The following PDE4D variants were observed in gnomAD, a reference collection of about 807,000 sequenced individuals.
The protein encoded by PDE4D is 3',5'-cyclic-AMP phosphodiesterase 4D.
A neutral mutation model predicts 87.4 loss-of-function variants in PDE4D; 24 were observed. The observed-to-expected ratio is 0.27, with a 90% CI of 0.20 to 0.39. The LOEUF (loss-of-function observed/expected upper bound fraction) is 0.39. Among genes scored for constraint, PDE4D ranks in the 10% least tolerant of loss-of-function variants. The probability of loss-of-function intolerance (pLI) is 1.00; values close to 1 mark genes in which losing one functional copy is unlikely to be tolerated. For missense variants in PDE4D, 714 were observed against 1,041.0 expected, an observed-to-expected ratio of 0.69 and a Z score of 4.32; for synonymous variants, 384 against 383.2, an observed-to-expected ratio of 1.00 and a Z score of -0.02.
At chr5:60,463,493 A>G (rs1561284229) in intron 1 of PDE4D, among the ~76,000 whole-genome samples, 1 of 152,192 alleles carries the variant, frequency 6.6e-6, no homozygotes, top group Admixed American at 6.5e-5. Context: ...AGCTTCTCTA[A>G]CATACAGATT....
Position 59,985,124 on chromosome 5 carries a change from G to GTTTTTTTTTTTTTTTTTT in PDE4D, c.272+3363_272+3364insAAAAAAAAAAAAAAAAAA, listed in dbSNP as rs762506771. Among the ~76,000 whole-genome samples, 17 of 111,346 alleles carry GTTTTTTTTTTTTTTTTTT rather than the reference G, an allele frequency of 1.5e-4. 2 individuals are homozygous for GTTTTTTTTTTTTTTTTTT. The highest frequency in any genetic ancestry group is 6.0e-4 in the Admixed American group (5 of 8,400). The allele number at this position is 111,346 out of a possible 152,430, so 73.0% of individuals were successfully genotyped here. A position where few individuals can be genotyped will look rare whatever the true frequency, so the allele number is the denominator to read the frequency against. On this transcript the variant is annotated intron_variant, in intron 3 of 16. Coordinates refer to the PDE4D transcript ENST00000502484. ...AATATAAGCCCGAACTTCACCTTTCGTTTTTTGTTTTTTGTTTTTTGTTTT... is the reference window on the plus strand; with the variant it reads ...AATATAAGCCCGAACTTCACCTTTCGTTTTTTTTTTTTTTTTTTTTTTTTGTTTTTTGTTTTTTGTTTT...
Position 60,097,903 on chromosome 5 carries a change from AAG to A in PDE4D, c.42+87652_42+87653del, listed in dbSNP as rs1333437294. 6.6e-5 allele frequency among the ~76,000 whole-genome samples: 10 copies of A among 152,012 alleles called. No individual in the cohort carries two copies. In the East Asian group the frequency reaches 1.9e-3, roughly 29 times the overall value. On this transcript the variant is annotated intron_variant, in intron 2 of 16. Transcript: ENST00000502484. Reference sequence around the variant, plus strand: ...GCTCCTGTAGGCTAACGGGGATAAAAAGAGACTGGAAAACTCTTAATCAACAG... The same window carrying A: ...GCTCCTGTAGGCTAACGGGGATAAAAAGACTGGAAAACTCTTAATCAACAG...
intron 1 of PDE4D, among the ~76,000 whole-genome samples, chr5:59,283,653 C>T (rs1302844899): frequency 1.3e-5 from 2 of 152,056 alleles, no homozygotes; most frequent in Non-Finnish European, 2.9e-5. Flanking sequence ...GCCTGGGGAA[C>T]CTCTCACCTT....
chr5:59,902,020 A>C (rs1424770092), intron 3 of PDE4D, among the ~76,000 whole-genome samples: 1 of 151,668 alleles, frequency 6.6e-6, no homozygotes, highest in Non-Finnish European at 1.5e-5. Context: ...TATACACTAT[A>C]ACACAAGCTA....
At chr5:59,553,700 C>T (rs1818466174) in intron 1 of PDE4D, among the ~76,000 whole-genome samples, 1 of 151,978 alleles carries the variant, frequency 6.6e-6, no homozygotes, top group Non-Finnish European at 1.5e-5. Flanking sequence ...ATTTTTCAAG[C>T]AGATATTTAA....
chr5:59,959,991 A>C (rs546578753), intron 3 of PDE4D, among the ~76,000 whole-genome samples: 1 of 152,238 alleles, frequency 6.6e-6, no homozygotes, highest in South Asian at 2.1e-4. Flanking sequence ...AACTTATACA[A>C]ATCAATAAGA....
At chr5:60,227,940 A>G (rs950688026) in intron 1 of PDE4D, among the ~76,000 whole-genome samples, 1 of 151,896 alleles carries the variant, frequency 6.6e-6, no homozygotes, top group Non-Finnish European at 1.5e-5. Context: ...TTCCTGCACT[A>G]TAATCACATT....
intron 1 of PDE4D, among the ~76,000 whole-genome samples, chr5:59,512,421 C>T (rs1810440414): frequency 6.6e-6 from 1 of 152,048 alleles, no homozygotes; most frequent in Admixed American, 6.6e-5. Context: ...GCTCCATATG[C>T]CTTATGATAT....
At position 58,973,914 on chromosome 5, in the gene PDE4D, T is replaced by G. The variant is rs948118933; in HGVS notation, c.*750A>C. Reference sequence around the variant, plus strand: ...CAGTTAATTGCTATGAACTATAAGGTGCAAGTAAAATTCATAAATTAGATT... The same window carrying G: ...CAGTTAATTGCTATGAACTATAAGGGGCAAGTAAAATTCATAAATTAGATT... On this transcript the variant is annotated 3_prime_UTR_variant, in exon 15 of 15. Transcript: ENST00000340635. 1 of 152,616 alleles carries G rather than the reference T, an allele frequency of 6.6e-6. No homozygotes were observed. Among genetic ancestry groups the G allele is most frequent in the Non-Finnish European group, 1.5e-5 (1 of 68,036 alleles). The allele number at this position is 152,616 out of a possible 1,614,324, so 9.5% of individuals were successfully genotyped here. A position where few individuals can be genotyped will look rare whatever the true frequency, so the allele number is the denominator to read the frequency against.
intron 1 of PDE4D, among the ~76,000 whole-genome samples, chr5:59,340,317 C>T (rs895602528): frequency 1.3e-5 from 2 of 152,100 alleles, no homozygotes; most frequent in Non-Finnish European, 2.9e-5. Flanking sequence ...ATGATGGCCA[C>T]AACATGTAAT....
intron 1 of PDE4D, among the ~76,000 whole-genome samples, chr5:59,860,762 T>C (rs969750732): frequency 6.6e-6 from 1 of 152,130 alleles, no homozygotes; most frequent in Non-Finnish European, 1.5e-5. Context: ...TTCTTTCTCA[T>C]TCAAGATACT....
At chr5:60,303,159 C>A (rs13167012) in intron 1 of PDE4D, among the ~76,000 whole-genome samples, 24 of 151,596 alleles carry the variant, frequency 1.6e-4, no homozygotes, top group African/African-American at 4.8e-4. Context: ...GCTTTAGCTA[C>A]GGCCCAGAGA....
chr5:59,457,472 G>C (rs1397252956), intron 1 of PDE4D, among the ~76,000 whole-genome samples: 2 of 152,148 alleles, frequency 1.3e-5, no homozygotes, highest in African/African-American at 4.8e-5. Context: ...CACTTTATTG[G>C]AATATTCACT....
chr5:59,006,362 C>T (rs184035554), intron 6 of PDE4D, among the ~76,000 whole-genome samples: 60 of 151,982 alleles, frequency 3.9e-4, no homozygotes, highest in Non-Finnish European at 7.5e-4. Context: ...GCCAGGAGGT[C>T]GAGACCAGCC....
At chr5:59,324,863 T>G (rs1209732334) in intron 1 of PDE4D, among the ~76,000 whole-genome samples, 1 of 152,080 alleles carries the variant, frequency 6.6e-6, no homozygotes, top group African/African-American at 2.4e-5. Context: ...TGATTATTAA[T>G]GAGAATTTAT....
chr5:60,022,323 T>C (rs544056953), intron 2 of PDE4D, among the ~76,000 whole-genome samples: 77 of 152,272 alleles, frequency 5.1e-4, no homozygotes, highest in South Asian at 1.0e-3. Context: ...CGAATAACAA[T>C]AAAGTCACCA....
At chr5:60,193,787 G>GTTTAGT (rs1179723752) in intron 1 of PDE4D, among the ~76,000 whole-genome samples, 1 of 151,192 alleles carries the variant, frequency 6.6e-6, no homozygotes, top group African/African-American at 2.4e-5. Context: ...CTTTACCTAG[G>GTTTAGT]TTTAGTTTCA....
intron 1 of PDE4D, among the ~76,000 whole-genome samples, chr5:59,839,066 G>A (rs1742579561): frequency 6.6e-6 from 1 of 151,948 alleles, no homozygotes; most frequent in Non-Finnish European, 1.5e-5. Flanking sequence ...CAGGATCCCT[G>A]CTGCCTGCAT....
chr5:60,211,179 C>T (rs1173101929), intron 1 of PDE4D, among the ~76,000 whole-genome samples: 1 of 152,206 alleles, frequency 6.6e-6, no homozygotes, highest in African/African-American at 2.4e-5. Context: ...ATTCCGGAAA[C>T]ACAGCTCCTA....
Sources: gnomAD v4.1 joint callset for allele counts (sites outside exome capture counted in the v4.1 genomes callset) on GRCh38, gnomAD v4.1.1 for gene constraint, MANE v1.5 for transcripts, NCBI Gene and HGNC (gene_info 2026-07-23, HGNC 2026-07-21) for gene names.